Variants in PSMA8 observed in about 807,000 individuals in gnomAD.
The protein encoded by PSMA8 is proteasome 20S subunit alpha 8.
A neutral mutation model predicts 32.4 loss-of-function variants in PSMA8; 18 were observed. That is an observed-to-expected ratio of 0.56 (90% CI 0.38 to 0.82). The LOEUF (loss-of-function observed/expected upper bound fraction) is 0.82, where lower values mean the gene tolerates loss of function less well. Among genes scored for constraint, PSMA8 ranks in the 40% least tolerant of loss-of-function variants. PSMA8 has a pLI of 0.00. For synonymous variants in PSMA8, 104 were observed against 98.1 expected (o/e 1.06, Z -0.36); for missense variants, 298 against 300.7 (o/e 0.99, Z 0.07).
intron 3 of PSMA8, 117 bp from the exon 4 acceptor site, chr18:26,158,005 T>G: frequency 1.4e-6 from 1 of 691,432 alleles, no homozygotes; most frequent in South Asian, 2.2e-5. Flanking sequence ...AAAAGATCAT[T>G]AATATATGTC....
chr18:26,160,514 C>A (rs1281981765), intron 4 of PSMA8, among the ~76,000 whole-genome samples: 2 of 152,170 alleles, frequency 1.3e-5, no homozygotes, highest in African/African-American at 2.4e-5. Flanking sequence ...GGAACTATAA[C>A]ATTTTAGCTA....
chr18:26,168,487 T>C (rs1450575436), intron 4 of PSMA8, among the ~76,000 whole-genome samples: 1 of 119,568 alleles, frequency 8.4e-6, no homozygotes, highest in Non-Finnish European at 1.6e-5. Context: ...CCTTTCCCCT[T>C]GTTTTTTTTT....
At chr18:26,139,619 T>G (rs1488989950) in intron 1 of PSMA8, among the ~76,000 whole-genome samples, 1 of 152,220 alleles carries the variant, frequency 6.6e-6, no homozygotes, top group African/African-American at 2.4e-5. Flanking sequence ...AGTAAATGCA[T>G]ACTCTTGAGT....
intron 3 of PSMA8, among the ~76,000 whole-genome samples, chr18:26,154,555 C>T (rs75616074): frequency 0.042 from 6,438 of 152,004 alleles, 287 homozygotes; most frequent in Admixed American, 0.13. Flanking sequence ...TGGGGCTCTC[C>T]GGCAGAAGAT....
At chr18:26,164,591 G>T (rs1032413669) in intron 4 of PSMA8, among the ~76,000 whole-genome samples, 7 of 152,160 alleles carry the variant, frequency 4.6e-5, no homozygotes, top group Non-Finnish European at 7.3e-5. Flanking sequence ...AATCTCAGTT[G>T]TAAAGCATTC....
intron 6 of PSMA8, among the ~76,000 whole-genome samples, chr18:26,179,764 G>T (rs954912872): frequency 6.6e-6 from 1 of 151,704 alleles, no homozygotes; most frequent in African/African-American, 2.4e-5. Context: ...TCAAAATTTG[G>T]GAAACTATAT....
intron 1 of PSMA8, among the ~76,000 whole-genome samples, chr18:26,137,276 G>T (rs905770092): frequency 4.6e-5 from 7 of 152,124 alleles, no homozygotes; most frequent in African/African-American, 1.4e-4. Flanking sequence ...TGGCCAACAT[G>T]GTGATGCCCC....
At chr18:26,157,288 C>T (rs908109918) in intron 3 of PSMA8, among the ~76,000 whole-genome samples, 1 of 151,762 alleles carries the variant, frequency 6.6e-6, no homozygotes, top group South Asian at 2.1e-4. Flanking sequence ...CGCGGTGGCT[C>T]ATACCTATAA....
At chr18:26,172,245 A>G (rs1279218082) in intron 4 of PSMA8, among the ~76,000 whole-genome samples, 2 of 152,256 alleles carry the variant, frequency 1.3e-5, no homozygotes, top group Non-Finnish European at 2.9e-5. Context: ...AATAATTTTT[A>G]AGAGTATAAA....
chr18:26,190,163 G>C (rs1278627092), intron 6 of PSMA8, among the ~76,000 whole-genome samples: 1 of 152,176 alleles, frequency 6.6e-6, no homozygotes, highest in Non-Finnish European at 1.5e-5. Context: ...GTGGGGGGCA[G>C]GGGCAGGTGG....
At chr18:26,139,572 G>C (rs4800719) in intron 1 of PSMA8, among the ~76,000 whole-genome samples, 38,906 of 152,022 alleles carry the variant, frequency 0.26, 8,808 homozygotes, top group African/African-American at 0.61. Flanking sequence ...GAAGTGCATT[G>C]TTTCTCTCCC....
chr18:26,165,191 G>A (rs2055168088), intron 4 of PSMA8, among the ~76,000 whole-genome samples: 1 of 152,140 alleles, frequency 6.6e-6, no homozygotes, highest in Non-Finnish European at 1.5e-5. Context: ...TTACAAGGGT[G>A]AGCCACCACA....
At chr18:26,139,367 G>A (rs2054936287) in intron 1 of PSMA8, among the ~76,000 whole-genome samples, 1 of 152,140 alleles carries the variant, frequency 6.6e-6, no homozygotes, top group African/African-American at 2.4e-5. Flanking sequence ...AGTGAGCTTG[G>A]AAATGGATCC....
intron 4 of PSMA8, among the ~76,000 whole-genome samples, chr18:26,167,341 T>C (rs1158250154): frequency 6.6e-6 from 1 of 152,194 alleles, no homozygotes; most frequent in African/African-American, 2.4e-5. Context: ...AATTCAGCTT[T>C]CTCTTGTGAA....
At chr18:26,189,974 A>G (rs1224777538) in intron 6 of PSMA8, among the ~76,000 whole-genome samples, 1 of 152,224 alleles carries the variant, frequency 6.6e-6, no homozygotes, top group African/African-American at 2.4e-5. Flanking sequence ...CCAAAAAAAT[A>G]ATGAGATACT....
intron 4 of PSMA8, among the ~76,000 whole-genome samples, chr18:26,170,406 A>C (rs1349269469): frequency 7.6e-6 from 1 of 131,174 alleles, no homozygotes; most frequent in Admixed American, 7.2e-5. Context: ...GTGGATCTTC[A>C]TCTTTAATAA....
In PSMA8 at chr18:26,192,363, A is replaced by G; in HGVS notation, c.705A>G (p.Glu235=). The change falls in exon 7 of 7, where the codon GAA becomes GAG. Residue 235 remains glutamate, a synonymous_variant. Coordinates refer to ENST00000415576, the MANE Select transcript of PSMA8 (RefSeq NM_001025096.2). The stretch of plus-strand genomic sequence containing the variant: ...TTGAATTATATGTAACTGAAATAGA[A>G]AAGGAAAAGGAAGAAGCAGAGAAGA... ...KEVELYVTEI[E]KEKEEAEKKK... is the part of the protein sequence containing the mutation. 1 of 1,520,360 alleles carries G rather than the reference A, an allele frequency of 6.6e-7. No homozygotes were observed. Among genetic ancestry groups the G allele is most frequent in the Non-Finnish European group, 8.7e-7 (1 of 1,146,514 alleles). The allele number at this position is 1,520,360 out of a possible 1,614,324, so 94.2% of individuals were successfully genotyped here.
chr18:26,163,260 T>TAC, intron 4 of PSMA8, among the ~76,000 whole-genome samples: 1 of 108,222 alleles, frequency 9.2e-6, no homozygotes, highest in Admixed American at 1.0e-4. Context: ...TATATATATA[T>TAC]ATGCTGTGAG....
rs2055216703 is a variant in PSMA8, at chr18:26,171,076, T to C, written c.478-7754T>C. On this transcript the variant is annotated intron_variant, in intron 4 of 6. Coordinates refer to ENST00000415576, the MANE Select transcript of PSMA8 (RefSeq NM_001025096.2). ...TCTCTGCTGAGAACTAAATTAATTC[T>C]ACCCTTTAAAGGTCGATTCTTCTCA... The C allele has an allele frequency of 3.1e-5, 48 of 1,559,276 alleles. 6 individuals are homozygous for C. The highest frequency in any genetic ancestry group is 3.7e-5 in the Non-Finnish European group (43 of 1,170,040).
Sources: gnomAD v4.1 joint callset for allele counts (sites outside exome capture counted in the v4.1 genomes callset) on GRCh38, gnomAD v4.1.1 for gene constraint, MANE v1.5 for transcripts, NCBI Gene and HGNC (gene_info 2026-07-23, HGNC 2026-07-21) for gene names.